MACROD1: variants seen among roughly 807,000 people sequenced by gnomAD.
The protein encoded by MACROD1 is ADP-ribose glycohydrolase MACROD1.
Under a neutral mutation model 41.4 loss-of-function variants are expected in MACROD1, and 31 were observed. That is an observed-to-expected ratio of 0.75 (90% confidence interval 0.56 to 1.01). The LOEUF (loss-of-function observed/expected upper bound fraction) is 1.01. Among genes scored for constraint, MACROD1 ranks in the 50% least tolerant of loss-of-function variants. MACROD1 has a pLI of 0.00. For missense variants in MACROD1, 473 were observed against 460.0 expected, an observed-to-expected ratio of 1.03 and a Z score of -0.26; for synonymous variants, 252 against 203.4, an observed-to-expected ratio of 1.24 and a Z score of -2.03.
At chr11:64,002,292 G>C (rs758978612) in intron 4 of MACROD1, among the ~76,000 whole-genome samples, 1 of 152,322 alleles carries the variant, frequency 6.6e-6, no homozygotes, top group East Asian at 1.9e-4. Context: ...GTGGGGGCCC[G>C]TGCGGGGAAG....
intron 8 of MACROD1, 141 bp from the exon 9 acceptor site, chr11:63,999,177 T>A: frequency 1.5e-6 from 2 of 1,318,712 alleles, no homozygotes; most frequent in Non-Finnish European, 2.1e-6. Flanking sequence ...ATCACCCCCA[T>A]CTCGCCACCG....
chr11:64,054,503 A>G (rs1590844970), intron 3 of MACROD1, among the ~76,000 whole-genome samples: 2 of 151,836 alleles, frequency 1.3e-5, no homozygotes, highest in African/African-American at 4.8e-5. Flanking sequence ...GGCAGCCCTC[A>G]CCCCTTGCAT....
At chr11:64,136,526 T>C (rs1275276792) in intron 3 of MACROD1, among the ~76,000 whole-genome samples, 1 of 152,156 alleles carries the variant, frequency 6.6e-6, no homozygotes, top group Non-Finnish European at 1.5e-5. Flanking sequence ...GGGAGGGGCC[T>C]GCCTGGAGGC....
rs770865629 is a variant in MACROD1, at chr11:63,999,064, C to G, written c.892-28G>C. On this transcript the variant is annotated intron_variant, in intron 8 of 10. Transcript: ENST00000255681. ...GCGCCAGGGGCTGCTCAGCCTGGGC[C>G]GAGCTGCCACGCCTGGCCCCAGGAT... 4 of 1,569,580 alleles carry G rather than the reference C, an allele frequency of 2.5e-6. No individual in the cohort carries two copies. In the African/African-American group the frequency reaches 5.4e-5, roughly 21 times the overall value.
At chr11:64,022,732 G>C (rs1943174431) in intron 3 of MACROD1, among the ~76,000 whole-genome samples, 1 of 152,196 alleles carries the variant, frequency 6.6e-6, no homozygotes, top group South Asian at 2.1e-4. Flanking sequence ...CTCCGTGGTA[G>C]GGCGGCCCAG....
chr11:64,016,223 G>T (rs1245788829), intron 3 of MACROD1, among the ~76,000 whole-genome samples: 2 of 152,232 alleles, frequency 1.3e-5, no homozygotes, highest in Non-Finnish European at 2.9e-5. Flanking sequence ...GCCCCTCTCT[G>T]TAGGAATGCC....
chr11:64,034,105 G>C (rs1448390546), intron 3 of MACROD1, among the ~76,000 whole-genome samples: 1 of 152,204 alleles, frequency 6.6e-6, no homozygotes, highest in East Asian at 1.9e-4. Flanking sequence ...GGATAGAAAG[G>C]GGTCTCTCCT....
rs992784324 is a variant in MACROD1, at chr11:64,166,105, G to A, written c.-111C>T. ...CGGGTGGCGACTGCCAGCCAGCGGC[G>A]ACCTGCTCGGAGCCAGCGGGAGGCG... On this transcript the variant is annotated 5_prime_UTR_variant, in exon 1 of 11. Transcript: ENST00000255681. The A allele has an allele frequency of 8.6e-7, 1 of 1,167,440 alleles. No individual in the cohort carries two copies. The highest frequency in any genetic ancestry group is 1.1e-6 in the Non-Finnish European group (1 of 930,638). The allele number at this position is 1,167,440 out of a possible 1,614,324, so 72.3% of individuals were successfully genotyped here.
At chr11:64,152,416 C>G (rs757096499) in intron 1 of MACROD1, 23 bp from the exon 2 acceptor site, 1 of 1,593,282 alleles carries the variant, frequency 6.3e-7, no homozygotes. Context: ...GAAGGAGGAT[C>G]AGGGTGGGGG....
At chr11:64,111,267 C>G (rs1274137775) in intron 3 of MACROD1, among the ~76,000 whole-genome samples, 4 of 152,220 alleles carry the variant, frequency 2.6e-5, no homozygotes, top group Admixed American at 6.5e-5. Flanking sequence ...CCACCTGTAT[C>G]CCTTGTGCCA....
chr11:64,014,511 C>T (rs183341035), intron 4 of MACROD1, among the ~76,000 whole-genome samples: 78 of 152,372 alleles, frequency 5.1e-4, no homozygotes, highest in Non-Finnish European at 1.3e-4. Flanking sequence ...ATTTATCCGA[C>T]GGCACATTAA....
chr11:64,031,686 C>T (rs935451675), intron 3 of MACROD1, among the ~76,000 whole-genome samples: 1 of 152,066 alleles, frequency 6.6e-6, no homozygotes, highest in Non-Finnish European at 1.5e-5. Context: ...CCATGTTGGC[C>T]AGGCTGGTCA....
At chr11:64,089,488 C>A (rs182719272) in intron 3 of MACROD1, among the ~76,000 whole-genome samples, 312 of 152,342 alleles carry the variant, frequency 2.0e-3, no homozygotes, top group African/African-American at 6.9e-3. Flanking sequence ...GTCCAGCCCC[C>A]TCCCCTGACT....
In MACROD1 at chr11:64,165,756, G is replaced by A; in HGVS notation, c.239C>T (p.Pro80Leu). 6.7e-7 allele frequency: 1 copy of A among 1,499,746 alleles called. No individual in the cohort carries two copies. The highest frequency in any genetic ancestry group is 8.9e-7 in the Non-Finnish European group (1 of 1,129,474). The allele number at this position is 1,499,746 out of a possible 1,614,324, so 92.9% of individuals were successfully genotyped here. Reference sequence around the variant, plus strand: ...GTCCACCTTCGCCGCCATGGCCAGGGGGGCCCAAGTGCGCACCCCGGCTGT... The same window carrying A: ...GTCCACCTTCGCCGCCATGGCCAGGAGGGCCCAAGTGCGCACCCCGGCTGT... ...GRTAGVRTWA[P>L]LAMAAKVDLS... Residue 80 changes from proline (P) to leucine (L), a missense_variant, in exon 1 of 11, where the codon CCC (proline) becomes CTC (leucine). By Grantham distance (98) the Pro-to-Leu change is moderately conservative (BLOSUM62 -3). Transcript: ENST00000255681.
At chr11:64,010,696 CATGTTGGCTGGCATGTTGGTTGGG>C (rs1942997011) in intron 4 of MACROD1, among the ~76,000 whole-genome samples, 6 of 112,060 alleles carry the variant, frequency 5.4e-5, no homozygotes, top group Admixed American at 1.8e-4. Flanking sequence ...TGTTGGCTGG[CATGTTGGCTGGCATGTTGGTTGGG>C]GTGTTGGTTG....
At chr11:64,097,336 A>AC (rs1944595184) in intron 3 of MACROD1, among the ~76,000 whole-genome samples, 1 of 152,220 alleles carries the variant, frequency 6.6e-6, no homozygotes, top group South Asian at 2.1e-4. Flanking sequence ...CTCCCAGGCC[A>AC]CCTCTGGCCA....
chr11:64,099,492 G>A (rs1311260350), intron 3 of MACROD1, among the ~76,000 whole-genome samples: 2 of 152,190 alleles, frequency 1.3e-5, no homozygotes, highest in African/African-American at 2.4e-5. Context: ...AGAGACGGAT[G>A]GATGAATGGA....
At chr11:64,021,938 G>GC (rs1281799788) in intron 3 of MACROD1, among the ~76,000 whole-genome samples, 1 of 52,798 alleles carries the variant, frequency 1.9e-5, no homozygotes, top group Admixed American at 1.7e-4. Flanking sequence ...GGGGCCGGGG[G>GC]GGGGGGGGGG....
At chr11:64,030,435 G>C (rs1385853465) in intron 3 of MACROD1, among the ~76,000 whole-genome samples, 1 of 152,188 alleles carries the variant, frequency 6.6e-6, no homozygotes, top group Non-Finnish European at 1.5e-5. Context: ...CTGTAGCAGG[G>C]GTTGGGGACA....
Sources: gnomAD v4.1 joint callset for allele counts (sites outside exome capture counted in the v4.1 genomes callset) on GRCh38, gnomAD v4.1.1 for gene constraint, MANE v1.5 for transcripts, NCBI Gene and HGNC (gene_info 2026-07-23, HGNC 2026-07-21) for gene names.